Variants in HDAC4 observed in about 807,000 individuals in gnomAD.
HDAC4 encodes the protein histone deacetylase A.
HDAC4 carries 16 observed loss-of-function variants against 135.1 expected under a neutral mutation model. That is an observed-to-expected ratio of 0.12 (90% confidence interval 0.08 to 0.18). The LOEUF is 0.18. Ranked by LOEUF, HDAC4 falls within the 10% of genes least tolerant of loss-of-function variation. The pLI is 1.00. For missense variants in HDAC4, 1,143 were observed against 1,511.8 expected (o/e 0.76, Z 4.05); for synonymous variants, 685 against 653.4 (o/e 1.05, Z -0.74).
At chr2:239,069,739 T>C (rs34665686) in intron 22 of HDAC4, among the ~76,000 whole-genome samples, 3 of 134,992 alleles carry the variant, frequency 2.2e-5, no homozygotes, top group Non-Finnish European at 4.8e-5. Context: ...TGCACTTGCT[T>C]GGTGAGAGGG....
chr2:239,351,155 G>GA (rs1342466575), intron 2 of HDAC4, among the ~76,000 whole-genome samples: 2 of 152,200 alleles, frequency 1.3e-5, no homozygotes, highest in East Asian at 3.8e-4. Flanking sequence ...CGGGCTCACT[G>GA]ACCCAGCTTC....
chr2:239,088,522 C>T (rs376930188), intron 18 of HDAC4, among the ~76,000 whole-genome samples: 46 of 152,376 alleles, frequency 3.0e-4, no homozygotes, highest in African/African-American at 1.0e-3. Context: ...CTGTAGTCCA[C>T]GTAGTCCTGA....
In HDAC4 at chr2:239,235,787, T is replaced by C. The variant is rs201199762; in HGVS notation, c.94+806A>G. 3.9e-5 allele frequency among the ~76,000 whole-genome samples: 6 copies of C among 152,270 alleles called. No homozygotes were observed. In the East Asian group the frequency reaches 1.2e-3, roughly 29 times the overall value. On this transcript the variant is annotated intron_variant, in intron 3 of 26. Coordinates refer to ENST00000543185, the MANE Select transcript of HDAC4 (RefSeq NM_001378414.1). ...GGGCGCGGTGGCTCACGCCTGTAAT[T>C]CCAGCACTTTGGGAGGCCGAGGCAG... is the stretch of plus-strand genomic sequence containing the variant.
rs2125432533 is a variant in HDAC4 at position 239,285,249 on chromosome 2, G to A, written c.23-48585C>T. Reference sequence around the variant, plus strand: ...GAGGGGGACAGAGCCACGCTAAGGAGGAACACAGCCATGCTGGGGGTGGGA... The same window carrying A: ...GAGGGGGACAGAGCCACGCTAAGGAAGAACACAGCCATGCTGGGGGTGGGA... On this transcript the variant is annotated intron_variant, in intron 2 of 26. Coordinates refer to ENST00000543185, the MANE Select transcript of HDAC4 (RefSeq NM_001378414.1). This position sits in a 1 kb window ranked among gnomAD's most constrained non-coding sequence, Gnocchi z 4.5. Among the ~76,000 whole-genome samples, 1 of 152,362 alleles carries A rather than the reference G, an allele frequency of 6.6e-6. No individual in the cohort carries two copies. The highest frequency in any genetic ancestry group is 2.1e-4 in the South Asian group (1 of 4,832).
intron 16 of HDAC4, among the ~76,000 whole-genome samples, chr2:239,101,279 C>G (rs2037602729): frequency 6.6e-6 from 1 of 152,236 alleles, no homozygotes; most frequent in Admixed American, 6.5e-5. Context: ...CATGCGTGTC[C>G]TCACAGCCCT....
At chr2:239,228,634 C>T (rs60581007) in intron 3 of HDAC4, among the ~76,000 whole-genome samples, 409 of 151,864 alleles carry the variant, frequency 2.7e-3, no homozygotes, top group African/African-American at 9.2e-3. Flanking sequence ...GGTTTAGGGG[C>T]GGATAGGGAT....
intron 20 of HDAC4, among the ~76,000 whole-genome samples, chr2:239,083,635 A>G (rs559852115): frequency 5.3e-5 from 8 of 152,368 alleles, no homozygotes; most frequent in Admixed American, 1.3e-4. Context: ...GAGTATACCT[A>G]TTCGTGGAAT....
chr2:239,213,950 G>A (rs2046480545), intron 3 of HDAC4, among the ~76,000 whole-genome samples: 2 of 152,366 alleles, frequency 1.3e-5, no homozygotes, highest in South Asian at 4.1e-4. Flanking sequence ...CAGGGAGGTA[G>A]AGAAATCTGC....
Position 239,240,357 on chromosome 2 carries a change from C to T in HDAC4, c.23-3693G>A, listed in dbSNP as rs562934250. 1.1e-4 allele frequency among the ~76,000 whole-genome samples: 17 copies of T among 152,242 alleles called. No individual in the cohort carries two copies. The highest frequency in any genetic ancestry group is 2.4e-4 in the African/African-American group (10 of 41,472). ...GAATGTGCACAGAATAGATTCTTAA[C>T]GCTGTGTTTTTTCAGATATCATATT... On this transcript the variant is annotated intron_variant, in intron 2 of 26. Coordinates refer to ENST00000543185, the MANE Select transcript of HDAC4 (RefSeq NM_001378414.1). The surrounding 1 kb of genome is among the most constrained non-coding windows in gnomAD (Gnocchi z 4.5).
chr2:239,265,030 CA>C (rs1168312817), intron 2 of HDAC4, among the ~76,000 whole-genome samples: 2 of 152,164 alleles, frequency 1.3e-5, no homozygotes, highest in African/African-American at 4.8e-5. Context: ...CTGAAGTGGA[CA>C]GGGGTGCAGA....
chr2:239,315,501 C>T (rs1324476688), intron 2 of HDAC4, among the ~76,000 whole-genome samples: 2 of 152,162 alleles, frequency 1.3e-5, no homozygotes, highest in African/African-American at 4.8e-5. Context: ...CATGCCCAAC[C>T]ACATGCTAAA....
intron 2 of HDAC4, among the ~76,000 whole-genome samples, chr2:239,323,273 G>C (rs955057196): frequency 6.6e-6 from 1 of 152,186 alleles, no homozygotes; most frequent in African/African-American, 2.4e-5. Context: ...GAGGGAAAGA[G>C]AGAAAAAGAG....
At chr2:239,282,606 AACAATGTACACACCACTCG>A (rs1408462977) in intron 2 of HDAC4, among the ~76,000 whole-genome samples, 18 of 141,628 alleles carry the variant, frequency 1.3e-4, no homozygotes, top group Admixed American at 3.5e-4. Flanking sequence ...CCACTCTGCA[AACAATGTACACACCACTCG>A]ACAATGTACA....
Position 239,068,677 on chromosome 2 carries a change from G to C in HDAC4, c.2751-70C>G. On this transcript the variant is annotated intron_variant, in intron 22 of 26. Transcript: ENST00000543185. This position sits in a 1 kb window ranked among gnomAD's most constrained non-coding sequence, Gnocchi z 4.4. ...GACGGGACGGTCACAAAACCCCAAGGTTCCCTCTGGCATTGATAATGCCTG... is the reference window on the plus strand; with the variant it reads ...GACGGGACGGTCACAAAACCCCAAGCTTCCCTCTGGCATTGATAATGCCTG... 2 of 1,342,916 alleles carry C rather than the reference G, an allele frequency of 1.5e-6. No homozygotes were observed. Among genetic ancestry groups the C allele is most frequent in the Non-Finnish European group, 2.1e-6 (2 of 934,046 alleles). 83.2% of individuals were successfully genotyped at this position (1,342,916 alleles called of 1,614,324 possible). A position where few individuals can be genotyped will look rare whatever the true frequency, so the allele number is the denominator to read the frequency against.
intron 4 of HDAC4, among the ~76,000 whole-genome samples, chr2:239,186,174 G>C (rs1183295593): frequency 6.6e-6 from 1 of 152,080 alleles, no homozygotes; most frequent in Non-Finnish European, 1.5e-5. Context: ...CAGGAAACCG[G>C]AAAGTCCAAG....
chr2:239,149,658 G>A (rs2041986529), intron 7 of HDAC4, among the ~76,000 whole-genome samples: 1 of 152,188 alleles, frequency 6.6e-6, no homozygotes, highest in African/African-American at 2.4e-5. Context: ...CAGCCCCGCT[G>A]CCCAGCTCCG....
At chr2:239,387,714 AC>A (rs1276560266) in intron 1 of HDAC4, among the ~76,000 whole-genome samples, 9 of 152,188 alleles carry the variant, frequency 5.9e-5, no homozygotes, top group Admixed American at 5.2e-4. Context: ...GGTCAATGGC[AC>A]CAGAGCAGCT....
intron 2 of HDAC4, chr2:239,298,393 C>A: frequency 8.5e-7 from 1 of 1,181,190 alleles, no homozygotes; most frequent in Non-Finnish European, 1.1e-6. Context: ...AGAGCTCTTG[C>A]ACCTCAGAGG....
At chr2:239,063,090 T>C (rs1432116074) in intron 24 of HDAC4, among the ~76,000 whole-genome samples, 1 of 152,190 alleles carries the variant, frequency 6.6e-6, no homozygotes, top group Non-Finnish European at 1.5e-5. Flanking sequence ...GGGTCTCGCA[T>C]ACTCCAGGTC....
Sources: allele counts gnomAD v4.1 joint callset (sites outside exome capture counted in the v4.1 genomes callset), GRCh38; gene constraint gnomAD v4.1.1; non-coding constraint Gnocchi (gnomAD v3.1); transcripts MANE v1.5; gene names NCBI Gene and HGNC (gene_info 2026-07-23, HGNC 2026-07-21).